The following SIAE variants were observed in gnomAD, a reference collection of about 807,000 sequenced individuals.
The protein encoded by SIAE is sialic acid acetylesterase, also known as sialate O-acetylesterase.
Under a neutral mutation model 52.6 loss-of-function variants are expected in SIAE, and 39 were observed. The observed-to-expected ratio is 0.74, with a 90% CI of 0.57 to 0.97. SIAE has a LOEUF of 0.97. Among genes scored for constraint, SIAE ranks in the 50% least tolerant of loss-of-function variants. The probability of loss-of-function intolerance (pLI) is 0.00; values close to 1 mark genes in which losing one functional copy is unlikely to be tolerated. For synonymous variants in SIAE, 233 were observed against 241.4 expected, an observed-to-expected ratio of 0.97 and a Z score of 0.32; for missense variants, 592 against 662.1, an observed-to-expected ratio of 0.89 and a Z score of 1.16.
chr11:124,649,668 C>T lies in SIAE; in HGVS notation c.673G>A (p.Ala225Thr), dbSNP rs749370370. 6.8e-6 allele frequency: 11 copies of T among 1,614,210 alleles called. No individual in the cohort carries two copies. In the Admixed American group the frequency reaches 1.7e-4, roughly 24 times the overall value. Residue 225 changes from alanine to threonine, a missense_variant, in exon 5 of 10, where the codon GCC becomes ACC. By Grantham distance (58) the Ala-to-Thr change is moderately conservative (BLOSUM62 0). Coordinates refer to ENST00000263593, the MANE Select transcript of SIAE (RefSeq NM_170601.5). ...ASSWGGTPIE[A>T]WSSGRSLKAC... Reference sequence around the variant, plus strand: ...TTCAGTGACCGTCCAGATGACCAGGCTTCAATGGGTGTCCCGCCCCAGCTG... The same window carrying T: ...TTCAGTGACCGTCCAGATGACCAGGTTTCAATGGGTGTCCCGCCCCAGCTG...
upstream of SIAE, chr11:124,675,506 C>A: frequency 6.9e-7 from 1 of 1,440,404 alleles, no homozygotes; most frequent in Non-Finnish European, 9.4e-7. Context: ...CTCCATTCTG[C>A]AGAAAGCCTT....
chr11:124,656,536 G>C (rs558434153), intron 3 of SIAE, among the ~76,000 whole-genome samples: 3 of 152,278 alleles, frequency 2.0e-5, no homozygotes, highest in East Asian at 3.9e-4. Context: ...GAGTGGCTTA[G>C]GGTTTTCTGG....
chr11:124,673,712 T>G lies in SIAE; in HGVS notation c.-4A>C. 6.2e-7 allele frequency: 1 copy of G among 1,613,384 alleles called. No individual in the cohort carries two copies. Among genetic ancestry groups the G allele is most frequent in the South Asian group, 1.1e-5 (1 of 90,986 alleles). Reference sequence around the variant, plus strand: ...GTACAAGCCCCGGCGCGACCATGCTTGCAAGGATCTGACCGCCGCCTAGGA... The same window carrying G: ...GTACAAGCCCCGGCGCGACCATGCTGGCAAGGATCTGACCGCCGCCTAGGA... On this transcript the variant is annotated 5_prime_UTR_variant, in exon 1 of 10. Transcript: ENST00000263593.
Position 124,668,414 on chromosome 11 carries a change from C to T in SIAE, c.229+946G>A, listed in dbSNP as rs188447071. Among the ~76,000 whole-genome samples, 382 of 152,342 alleles carry T rather than the reference C, an allele frequency of 2.5e-3. 1 individual carries two copies. Among genetic ancestry groups the T allele is most frequent in the Non-Finnish European group, 4.0e-3 (271 of 68,042 alleles). On this transcript the variant is annotated intron_variant, in intron 2 of 9. Transcript: ENST00000263593. ...CTGCATGCCTCATTAAGGAAGAGGA[C>T]ATATCTGTTTTACTCATCACTGTAT...
chr11:124,675,878 C>T (rs895969048), upstream of SIAE: 2 of 155,546 alleles, frequency 1.3e-5, no homozygotes, highest in African/African-American at 2.4e-5. Context: ...AAGAATTCTG[C>T]ACTCTTTAAA....
intron 8 of SIAE, among the ~76,000 whole-genome samples, chr11:124,639,447 A>G (rs1369417700): frequency 1.3e-5 from 2 of 152,242 alleles, no homozygotes; most frequent in Non-Finnish European, 2.9e-5. Flanking sequence ...TGGAGCCTCT[A>G]TTGCTCTGGG....
chr11:124,666,618 C>T (rs1943276681), intron 2 of SIAE, among the ~76,000 whole-genome samples: 1 of 152,210 alleles, frequency 6.6e-6, no homozygotes, highest in African/African-American at 2.4e-5. Context: ...TCACTCAATT[C>T]TCTTAAGTTG....
chr11:124,636,936 A>C lies in SIAE; in HGVS notation c.*15T>G, dbSNP rs1301553071. ...GACCCATCCTTATATCTAAGTTCTG[A>C]TCATACTGAAACAGTCATTTAGCAA... On this transcript the variant is annotated 3_prime_UTR_variant, in exon 10 of 10. Transcript: ENST00000263593. 6.2e-7 allele frequency: 1 copy of C among 1,614,176 alleles called. No individual in the cohort carries two copies. Among genetic ancestry groups the C allele is most frequent in the East Asian group, 2.2e-5 (1 of 44,886 alleles).
chr11:124,643,240 G>A (rs933673296), intron 7 of SIAE, among the ~76,000 whole-genome samples: 6 of 152,172 alleles, frequency 3.9e-5, no homozygotes, highest in African/African-American at 1.4e-4. Flanking sequence ...AGAAAAGTAA[G>A]GCAGCCAGTG....
chr11:124,657,540 G>A lies in SIAE; in HGVS notation c.406-2747C>T, dbSNP rs548911325. 4.6e-4 allele frequency among the ~76,000 whole-genome samples: 70 copies of A among 152,336 alleles called. 1 individual carries two copies. In the South Asian group the frequency reaches 9.1e-3, roughly 20 times the overall value. ...AACATGCTACTTGTCTTTTAGACCCGTTGCTAACACTGTAGAGTACTGTGA... is the reference window on the plus strand; with the variant it reads ...AACATGCTACTTGTCTTTTAGACCCATTGCTAACACTGTAGAGTACTGTGA... On this transcript the variant is annotated intron_variant, in intron 3 of 9. Transcript: ENST00000263593.
chr11:124,673,421 C>G (rs1406438130), intron 1 of SIAE, among the ~76,000 whole-genome samples: 1 of 152,208 alleles, frequency 6.6e-6, no homozygotes, highest in African/African-American at 2.4e-5. Context: ...GGCTGCATGT[C>G]AGGGATGGTA....
At chr11:124,666,124 A>G (rs1943270967) in intron 2 of SIAE, among the ~76,000 whole-genome samples, 1 of 152,180 alleles carries the variant, frequency 6.6e-6, no homozygotes, top group Admixed American at 6.5e-5. Flanking sequence ...CATGGTGCCA[A>G]TCATCCCTCA....
At chr11:124,640,010 C>A in intron 7 of SIAE, 143 bp from the exon 8 acceptor site, 1 of 1,026,800 alleles carries the variant, frequency 9.7e-7, no homozygotes, top group Non-Finnish European at 1.5e-6. Flanking sequence ...ACTGTTGTGG[C>A]AGTGTCTCTC....
chr11:124,633,870 G>C lies in SIAE; in HGVS notation c.*3081C>G, dbSNP rs576287639. ...CACTATTACAGCCTGAGTAATACCC[G>C]TATTAAAAGAGCCTCATTTTAGAAA... On this transcript the variant is annotated 3_prime_UTR_variant, in exon 10 of 10. Coordinates refer to ENST00000263593, the MANE Select transcript of SIAE (RefSeq NM_170601.5). 1 of 152,018 alleles carries C rather than the reference G, an allele frequency of 6.6e-6. No individual in the cohort carries two copies. Among genetic ancestry groups the C allele is most frequent in the African/African-American group, 2.4e-5 (1 of 41,376 alleles). The allele number at this position is 152,018 out of a possible 1,614,324, so 9.4% of individuals were successfully genotyped here.
rs574686470 is a variant in SIAE at position 124,646,425 on chromosome 11, C to T, written c.966+940G>A. Among the ~76,000 whole-genome samples the T allele has an allele frequency of 2.0e-5, 3 of 152,268 alleles. No homozygotes were observed. The South Asian group carries it at 6.2e-4, about 32-fold the overall frequency. On this transcript the variant is annotated intron_variant, in intron 7 of 9. Coordinates refer to ENST00000263593, the MANE Select transcript of SIAE (RefSeq NM_170601.5). The stretch of plus-strand genomic sequence containing the variant: ...GGCATCTAACTAATCTGGATAGTCA[C>T]AGAAGGCTTCCTAACTAATATGTAG...
chr11:124,637,178 A>T lies in SIAE; in HGVS notation c.1345T>A (p.Cys449Ser), dbSNP rs747106590. 62 of 1,614,098 alleles carry T rather than the reference A, an allele frequency of 3.8e-5. No homozygotes were observed. In the South Asian group the frequency reaches 6.7e-4, roughly 17 times the overall value. The change falls in exon 10 of 10, where the codon TGC (cysteine) becomes AGC (serine). Residue 449 changes from cysteine (C) to serine (S), a missense_variant. Transcript: ENST00000263593. ...FEISCCSDHR[C>S]KWLPASMNTV... ...TTCATAGAAGCTGGAAGCCACTTGC[A>T]TCGATGGTCACTGCAACAGGAGATC...
At chr11:124,673,181 T>C (rs1335585370) in intron 1 of SIAE, among the ~76,000 whole-genome samples, 1 of 152,152 alleles carries the variant, frequency 6.6e-6, no homozygotes, top group Non-Finnish European at 1.5e-5. Context: ...GAGTAAAATT[T>C]AATTCCCCTA....
chr11:124,637,692 A>G (rs1565406829), intron 9 of SIAE, among the ~76,000 whole-genome samples: 1 of 152,214 alleles, frequency 6.6e-6, no homozygotes, highest in Non-Finnish European at 1.5e-5. Context: ...ACCACTGGCA[A>G]CTGACTAAAG....
chr11:124,663,886 C>T (rs1045255094), intron 2 of SIAE, among the ~76,000 whole-genome samples: 5 of 152,224 alleles, frequency 3.3e-5, no homozygotes, highest in Non-Finnish European at 7.3e-5. Context: ...TACCATCCAG[C>T]TGCCTTTCTG....
Sources: allele counts gnomAD v4.1 joint callset (sites outside exome capture counted in the v4.1 genomes callset), GRCh38; gene constraint gnomAD v4.1.1; transcripts MANE v1.5; gene names NCBI Gene and HGNC (gene_info 2026-07-23, HGNC 2026-07-21).